USP28: variants seen among roughly 807,000 people sequenced by gnomAD.
USP28 encodes ubiquitin carboxyl-terminal hydrolase 28.
USP28 carries 113 observed loss-of-function variants against 145.0 expected under a neutral mutation model. The ratio of observed to expected loss-of-function variants is 0.78; its 90% CI spans 0.67 to 0.91. The LOEUF (loss-of-function observed/expected upper bound fraction) is 0.91, where lower values mean the gene tolerates loss of function less well. Among genes scored for constraint, USP28 ranks in the 40% least tolerant of loss-of-function variants. The pLI is 0.00. For missense variants in USP28, 1,201 were observed against 1,289.6 expected, an observed-to-expected ratio of 0.93 and a Z score of 1.05; for synonymous variants, 447 against 450.9, an observed-to-expected ratio of 0.99 and a Z score of 0.11.
chr11:113,821,047 G>T, intron 12 of USP28: 1 of 228,140 alleles, frequency 4.4e-6, no homozygotes, highest in South Asian at 6.8e-5. Flanking sequence ...CCTTCCAGTT[G>T]GGGAGGAGAA....
Position 113,803,797 on chromosome 11 carries a change from C to T in USP28, c.2738+1G>A. ...CTTGGTAAAATAAAAGGCCAACATA[C>T]TTTCCTTTTTGATAGAGTTCTAGGC... On this transcript the variant is annotated splice_donor_variant, in intron 22 of 24. Transcript: ENST00000003302. LOFTEE classifies it high-confidence loss of function. 1.2e-6 allele frequency: 2 copies of T among 1,612,410 alleles called. No homozygotes were observed. The highest frequency in any genetic ancestry group is 1.7e-5 in the Admixed American group (1 of 59,848).
intron 19 of USP28, 106 bp from the exon 21 acceptor site, chr11:113,805,152 T>A: frequency 9.9e-7 from 1 of 1,013,272 alleles, no homozygotes; most frequent in Non-Finnish European, 1.4e-6. Flanking sequence ...AAAAGACTTC[T>A]AAAAAATTCA....
intron 8 of USP28, among the ~76,000 whole-genome samples, chr11:113,831,487 C>T (rs567065785): frequency 3.3e-4 from 50 of 152,210 alleles, no homozygotes; most frequent in African/African-American, 1.2e-3. Flanking sequence ...GAGGGATATC[C>T]GTATCGTGCC....
chr11:113,863,414 G>A (rs1947908081), intron 1 of USP28, among the ~76,000 whole-genome samples: 1 of 152,122 alleles, frequency 6.6e-6, no homozygotes, highest in Non-Finnish European at 1.5e-5. Flanking sequence ...GGGAGGCTGA[G>A]GCGGGCAGAT....
chr11:113,805,959 C>CA (rs1939880552), intron 19 of USP28, among the ~76,000 whole-genome samples: 1 of 151,770 alleles, frequency 6.6e-6, no homozygotes, highest in South Asian at 2.1e-4. Flanking sequence ...GACAGGGTCT[C>CA]ACTCTGTCAC....
chr11:113,808,266 C>T lies in USP28; in HGVS notation c.2304+32G>A, dbSNP rs753928763. 17 of 1,602,658 alleles carry T rather than the reference C, an allele frequency of 1.1e-5. No individual in the cohort carries two copies. The African/African-American group carries it at 2.3e-4, about 22-fold the overall frequency. On this transcript the variant is annotated intron_variant, in intron 18 of 24. Transcript: ENST00000003302. ...GGCCATCGCTGCTGAAAGCCCGGCT[C>T]TCCTGAACTTGGGCTTCCCAGTCAT... is the stretch of plus-strand genomic sequence containing the variant.
chr11:113,835,253 C>A, intron 5 of USP28: 2 of 455,826 alleles, frequency 4.4e-6, no homozygotes, highest in South Asian at 3.1e-5. Flanking sequence ...TATGAATATA[C>A]AACTCCTCAT....
intron 1 of USP28, among the ~76,000 whole-genome samples, chr11:113,872,898 T>C (rs1468114712): frequency 6.6e-6 from 1 of 152,182 alleles, no homozygotes; most frequent in African/African-American, 2.4e-5. Flanking sequence ...AATCATAAAG[T>C]GTCTACTCTC....
intron 1 of USP28, chr11:113,874,795 T>A (rs766445130): frequency 6.3e-6 from 7 of 1,109,850 alleles, no homozygotes; most frequent in African/African-American, 1.6e-5. Context: ...TTATATTGAT[T>A]TCAATCTTCT....
intron 5 of USP28, among the ~76,000 whole-genome samples, chr11:113,839,790 C>T (rs921233537): frequency 6.6e-6 from 1 of 151,694 alleles, no homozygotes; most frequent in Non-Finnish European, 1.5e-5. Flanking sequence ...TTTGGGAGGC[C>T]GAGGCAGGCA....
chr11:113,837,062 T>C lies in USP28; in HGVS notation c.535-2727A>G, dbSNP rs549315713. Among the ~76,000 whole-genome samples the C allele has an allele frequency of 2.0e-5, 3 of 152,348 alleles. No homozygotes were observed. In the East Asian group the frequency reaches 5.8e-4, roughly 29 times the overall value. On this transcript the variant is annotated intron_variant, in intron 5 of 24. Coordinates refer to ENST00000003302, the Ensembl canonical transcript of USP28. ...GCTCATCCAACACCACAGTTAATACTGCAACCTGTTCCCACCTCTCCTGCA... is the reference window on the plus strand; with the variant it reads ...GCTCATCCAACACCACAGTTAATACCGCAACCTGTTCCCACCTCTCCTGCA...
intron 5 of USP28, 120 bp from the exon 6 acceptor site, chr11:113,834,455 C>A (rs902007535): frequency 4.8e-6 from 3 of 622,364 alleles, no homozygotes; most frequent in African/African-American, 3.8e-5. Flanking sequence ...ATCAACCTGG[C>A]AATTTGACTT....
At chr11:113,809,290 A>C (rs530028584) in intron 16 of USP28, 36 bp from the exon 17 acceptor site, 2 of 1,586,278 alleles carry the variant, frequency 1.3e-6, no homozygotes, top group East Asian at 2.2e-5. Context: ...AAAGGTCACA[A>C]GGAACGAAAA....
intron 23 of USP28, among the ~76,000 whole-genome samples, 161 bp downstream of exon 24, chr11:113,802,997 T>TG (rs752633846): frequency 1.3e-5 from 2 of 151,920 alleles, no homozygotes; most frequent in Non-Finnish European, 2.9e-5. Context: ...TAAAAGTAAC[T>TG]GAAAAAAAAC....
chr11:113,875,563 T>A (rs1426342755), exon 1 of USP28: 3 of 1,098,556 alleles, frequency 2.7e-6, no homozygotes, highest in Non-Finnish European at 3.3e-6. Flanking sequence ...GCCCAGCCTC[T>A]CAGGACTAGG....
chr11:113,829,377 C>T, intron 9 of USP28, 32 bp from the exon 10 acceptor site: 12 of 1,610,840 alleles, frequency 7.4e-6, no homozygotes, highest in Middle Eastern at 1.7e-4. Flanking sequence ...TTAAAAAAGA[C>T]ATCACTATGA....
At chr11:113,870,554 C>T (rs992473171) in intron 1 of USP28, among the ~76,000 whole-genome samples, 2 of 152,190 alleles carry the variant, frequency 1.3e-5, no homozygotes, top group Admixed American at 6.5e-5. Context: ...TGAGCAGATT[C>T]TGATTACATA....
At chr11:113,850,510 CAT>C (rs1233974044) in intron 3 of USP28, among the ~76,000 whole-genome samples, 1 of 152,192 alleles carries the variant, frequency 6.6e-6, no homozygotes, top group African/African-American at 2.4e-5. Flanking sequence ...CCAAGAGAAA[CAT>C]ATGAGAATAC....
exon 18 of USP28, chr11:113,808,400 C>T (rs779532737): frequency 6.2e-7 from 1 of 1,614,092 alleles, no homozygotes; most frequent in Non-Finnish European, 8.5e-7. Flanking sequence ...GCTCAGACGA[C>T]AAGCAGCGAA....
Sources: allele counts gnomAD v4.1 joint callset (sites outside exome capture counted in the v4.1 genomes callset), GRCh38; gene constraint gnomAD v4.1.1; transcripts MANE v1.5; gene names NCBI Gene and HGNC (gene_info 2026-07-23, HGNC 2026-07-21).